The following VTI1A variants were observed in gnomAD, a reference collection of about 807,000 sequenced individuals.
VTI1A encodes vesicle transport through interaction with t-SNAREs 1A.
VTI1A carries 22 observed loss-of-function variants against 34.9 expected under a neutral mutation model. The ratio of observed to expected loss-of-function variants is 0.63; its 90% CI spans 0.45 to 0.90. VTI1A has a LOEUF of 0.90. VTI1A is among the 40% of genes least tolerant of loss of function. The pLI, the probability that VTI1A is intolerant of heterozygous loss-of-function variation, is 0.00. For missense variants in VTI1A, 268 were observed against 275.6 expected, an observed-to-expected ratio of 0.97 and a Z score of 0.20; for synonymous variants, 87 against 97.3, an observed-to-expected ratio of 0.89 and a Z score of 0.62.
intron 3 of VTI1A, among the ~76,000 whole-genome samples, chr10:112,472,660 T>C (rs1848133254): frequency 6.6e-6 from 1 of 152,174 alleles, no homozygotes; most frequent in South Asian, 2.1e-4. Context: ...TTTCTGTACT[T>C]ACAGCTTCCT....
At chr10:112,718,418 ATCT>A (rs1178164920) in intron 7 of VTI1A, among the ~76,000 whole-genome samples, 4 of 152,240 alleles carry the variant, frequency 2.6e-5, no homozygotes, top group Non-Finnish European at 4.4e-5. Context: ...GTGGTAAGAA[ATCT>A]TCTGATTTAA....
At chr10:112,776,624 A>C (rs1357957527) in intron 7 of VTI1A, among the ~76,000 whole-genome samples, 1 of 151,942 alleles carries the variant, frequency 6.6e-6, no homozygotes, top group Non-Finnish European at 1.5e-5. Context: ...TAAACAGAAG[A>C]AGCCACATTA....
At chr10:112,654,251 G>A (rs1397571898) in intron 5 of VTI1A, among the ~76,000 whole-genome samples, 3 of 152,078 alleles carry the variant, frequency 2.0e-5, no homozygotes, top group Admixed American at 6.5e-5. Flanking sequence ...ACCAGCAGTT[G>A]CCATCTAATA....
At chr10:112,656,146 C>T (rs1333862824) in intron 5 of VTI1A, among the ~76,000 whole-genome samples, 1 of 152,092 alleles carries the variant, frequency 6.6e-6, no homozygotes, top group Non-Finnish European at 1.5e-5. Flanking sequence ...GGTCTTATCC[C>T]CTGTGCCAAC....
chr10:112,687,883 GGGCACA>G (rs955196139), intron 7 of VTI1A, among the ~76,000 whole-genome samples: 1 of 151,892 alleles, frequency 6.6e-6, no homozygotes. Flanking sequence ...AGAAGGAAAT[GGGCACA>G]GCCCTACAGA....
chr10:112,629,522 GCTT>G (rs1846054249), intron 5 of VTI1A, among the ~76,000 whole-genome samples: 1 of 152,168 alleles, frequency 6.6e-6, no homozygotes, highest in African/African-American at 2.4e-5. Context: ...TTCCAGTTAG[GCTT>G]CCCTTAGGAA....
intron 5 of VTI1A, among the ~76,000 whole-genome samples, chr10:112,663,427 G>A (rs1847534315): frequency 6.6e-6 from 1 of 152,150 alleles, no homozygotes; most frequent in Non-Finnish European, 1.5e-5. Flanking sequence ...TAATTATTTT[G>A]TCTGGGTTTT....
chr10:112,697,399 C>CTTTTCTTTTTTTTTTT (rs745391297), intron 7 of VTI1A, among the ~76,000 whole-genome samples: 1 of 114,042 alleles, frequency 8.8e-6, no homozygotes, highest in Non-Finnish European at 1.7e-5. Flanking sequence ...CTTTTCTTTT[C>CTTTTCTTTTTTTTTTT]TTTTTTTTTT....
chr10:112,729,809 C>G (rs1850184552), intron 7 of VTI1A, among the ~76,000 whole-genome samples: 1 of 152,192 alleles, frequency 6.6e-6, no homozygotes, highest in Non-Finnish European at 1.5e-5. Flanking sequence ...TTGGTGTAAT[C>G]TACAAAGACA....
intron 5 of VTI1A, among the ~76,000 whole-genome samples, chr10:112,610,987 A>G (rs1307212009): frequency 6.6e-6 from 1 of 152,178 alleles, no homozygotes; most frequent in Non-Finnish European, 1.5e-5. Context: ...GGACTGTCCA[A>G]CACGTGAAAT....
chr10:112,629,460 C>A (rs1004715812), intron 5 of VTI1A, among the ~76,000 whole-genome samples: 1 of 152,184 alleles, frequency 6.6e-6, no homozygotes, highest in East Asian at 1.9e-4. Context: ...TCTGGGATTT[C>A]CCCCACATTG....
chr10:112,472,008 A>G (rs1368872262), intron 3 of VTI1A, among the ~76,000 whole-genome samples: 1 of 152,224 alleles, frequency 6.6e-6, no homozygotes, highest in African/African-American at 2.4e-5. Flanking sequence ...TTATGAGGAC[A>G]TGGTGTGTTG....
In VTI1A at chr10:112,817,572, A is replaced by G. The variant is rs1853560908; in HGVS notation, c.*2189A>G. On this transcript the variant is annotated 3_prime_UTR_variant, in exon 8 of 8. Transcript: ENST00000393077. ...CCATCAAACCTCCTTGAGAGCAACT[A>G]CCTAGGCCAGGCTAGTGAGTGCTTT... 4.4e-6 allele frequency: 1 copy of G among 229,312 alleles called. No individual in the cohort carries two copies. The highest frequency in any genetic ancestry group is 8.7e-6 in the Non-Finnish European group (1 of 115,590). 14.2% of individuals were successfully genotyped at this position (229,312 alleles called of 1,614,324 possible). A position where few individuals can be genotyped will look rare whatever the true frequency, so the allele number is the denominator to read the frequency against.
At chr10:112,644,829 A>G (rs1846708884) in intron 5 of VTI1A, among the ~76,000 whole-genome samples, 1 of 152,260 alleles carries the variant, frequency 6.6e-6, no homozygotes. Context: ...ATATCAGATT[A>G]TACTGATTTA....
intron 5 of VTI1A, among the ~76,000 whole-genome samples, chr10:112,584,148 T>C (rs1332761737): frequency 6.6e-6 from 1 of 152,212 alleles, no homozygotes; most frequent in African/African-American, 2.4e-5. Flanking sequence ...GGGATATAGA[T>C]TTATGTATCC....
chr10:112,736,649 T>A (rs1850485829), intron 7 of VTI1A: 1 of 1,537,506 alleles, frequency 6.5e-7, no homozygotes, highest in African/African-American at 1.4e-5. Flanking sequence ...TGGAAACAAG[T>A]ATACAAACTA....
the VTI1A span, among the ~76,000 whole-genome samples, chr10:112,835,359 C>A: frequency 1.3e-5 from 2 of 152,306 alleles, no homozygotes; most frequent in Non-Finnish European, 2.9e-5. Flanking sequence ...TTGTTAGACA[C>A]GGGCCTCAGG....
Position 112,447,248 on chromosome 10 carries a change from C to G in VTI1A, c.-126C>G, listed in dbSNP as rs977202372. 3 of 994,690 alleles carry G rather than the reference C, an allele frequency of 3.0e-6. No individual in the cohort carries two copies. The African/African-American group carries it at 4.8e-5, about 16-fold the overall frequency. 61.6% of individuals were successfully genotyped at this position (994,690 alleles called of 1,614,324 possible). On this transcript the variant is annotated 5_prime_UTR_variant, in exon 1 of 8. Coordinates refer to ENST00000393077, the MANE Select transcript of VTI1A (RefSeq NM_145206.4). ...AGGAAGCGGCTGGGTTGAGAGCTGTCCCCGGTTCTCCGTTCTGCTCTCGGG... is the reference window on the plus strand; with the variant it reads ...AGGAAGCGGCTGGGTTGAGAGCTGTGCCCGGTTCTCCGTTCTGCTCTCGGG...
chr10:112,501,416 C>G (rs1849228303), intron 3 of VTI1A, among the ~76,000 whole-genome samples: 1 of 151,938 alleles, frequency 6.6e-6, no homozygotes, highest in East Asian at 1.9e-4. Context: ...TTAAATCTTT[C>G]TGTTCTCTCT....
Sources: gnomAD v4.1 joint callset for allele counts (sites outside exome capture counted in the v4.1 genomes callset) on GRCh38, gnomAD v4.1.1 for gene constraint, MANE v1.5 for transcripts, NCBI Gene and HGNC (gene_info 2026-07-23, HGNC 2026-07-21) for gene names.